GABRA4: variants seen among roughly 807,000 people sequenced by gnomAD.
GABRA4 encodes gamma-aminobutyric acid type A receptor subunit alpha4.
In GABRA4, 12 loss-of-function variants were observed where a neutral mutation model predicts 49.7. The observed-to-expected ratio is 0.24, with a 90% confidence interval of 0.15 to 0.39. GABRA4 has a LOEUF of 0.39. Ranked by LOEUF, GABRA4 falls within the 10% of genes least tolerant of loss-of-function variation. GABRA4 has a pLI of 1.00. For missense variants in GABRA4, 506 were observed against 686.0 expected, an observed-to-expected ratio of 0.74 and a Z score of 2.93; for synonymous variants, 288 against 240.2, an observed-to-expected ratio of 1.20 and a Z score of -1.84.
intron 2 of GABRA4, chr4:46,992,570 TC>T (rs1723795026): frequency 2.1e-6 from 1 of 482,938 alleles, no homozygotes; most frequent in East Asian, 3.3e-5. Context: ...CTCTCCAACC[TC>T]CCCCACCCAG....
rs115768721 is a variant in GABRA4, at chr4:46,959,577, C to A, written c.1134+5393G>T. ...TAGCCAATGGAATGAGCTCAACCAA[C>A]CATTTACTGTAATGGCAATTGCTGT... On this transcript the variant is annotated intron_variant, in intron 8 of 8. Coordinates refer to ENST00000264318, the MANE Select transcript of GABRA4 (RefSeq NM_000809.4). 3.2e-3 allele frequency among the ~76,000 whole-genome samples: 483 copies of A among 151,736 alleles called. 2 individuals carry two copies. Among genetic ancestry groups the A allele is most frequent in the African/African-American group, 0.011 (460 of 41,444 alleles).
chr4:46,929,983 A>G (rs1721374420), intron 8 of GABRA4, among the ~76,000 whole-genome samples: 1 of 152,084 alleles, frequency 6.6e-6, no homozygotes, highest in African/African-American at 2.4e-5. Flanking sequence ...CACTTTAGAC[A>G]TAAAGGTTTA....
intron 6 of GABRA4, among the ~76,000 whole-genome samples, chr4:46,972,525 A>T (rs1391731819): frequency 2.0e-5 from 3 of 151,498 alleles, no homozygotes; most frequent in Non-Finnish European, 4.4e-5. Flanking sequence ...TACACTCATT[A>T]ATCTATCACC....
At chr4:46,992,428 G>A (rs891459298) in intron 2 of GABRA4, among the ~76,000 whole-genome samples, 3 of 152,218 alleles carry the variant, frequency 2.0e-5, no homozygotes, top group African/African-American at 7.2e-5. Flanking sequence ...TGGACACGTG[G>A]GAGGATGAGG....
intron 8 of GABRA4, among the ~76,000 whole-genome samples, chr4:46,956,663 A>G (rs1211803888): frequency 3.3e-5 from 5 of 152,034 alleles, no homozygotes; most frequent in African/African-American, 1.2e-4. Flanking sequence ...GCTGTCCTAA[A>G]TGGTCACAGA....
intron 8 of GABRA4, among the ~76,000 whole-genome samples, chr4:46,957,320 T>TA (rs1295362865): frequency 1.3e-5 from 2 of 151,944 alleles, no homozygotes; most frequent in African/African-American, 4.8e-5. Context: ...TTATTATTTA[T>TA]ACATTCTTTT....
In GABRA4 at chr4:46,920,775, A is replaced by G. The variant is rs1486547879; in HGVS notation, c.*7450T>C. ...GTAAAAGTAATGAAAAGTTTGTTTTACTGAAAACTAGATGAAATGTATACA... is the reference window on the plus strand; with the variant it reads ...GTAAAAGTAATGAAAAGTTTGTTTTGCTGAAAACTAGATGAAATGTATACA... On this transcript the variant is annotated 3_prime_UTR_variant, in exon 9 of 9. Coordinates refer to ENST00000264318, the MANE Select transcript of GABRA4 (RefSeq NM_000809.4). 1 of 151,808 alleles carries G rather than the reference A, an allele frequency of 6.6e-6. No individual in the cohort carries two copies. The highest frequency in any genetic ancestry group is 1.5e-5 in the Non-Finnish European group (1 of 67,754). 9.4% of individuals were successfully genotyped at this position (151,808 alleles called of 1,614,324 possible). A position where few individuals can be genotyped will look rare whatever the true frequency, so the allele number is the denominator to read the frequency against.
intron 8 of GABRA4, among the ~76,000 whole-genome samples, chr4:46,947,838 C>A (rs1475022885): frequency 6.6e-6 from 1 of 151,972 alleles, no homozygotes. Context: ...CAACAGCAAT[C>A]ATTTTAATTT....
intron 8 of GABRA4, among the ~76,000 whole-genome samples, chr4:46,961,052 G>A (rs935311684): frequency 6.6e-6 from 1 of 151,788 alleles, no homozygotes; most frequent in African/African-American, 2.4e-5. Context: ...AAATAAAACT[G>A]CATACTCAAT....
chr4:46,991,405 C>A (rs1220650715), intron 2 of GABRA4, among the ~76,000 whole-genome samples: 1 of 152,154 alleles, frequency 6.6e-6, no homozygotes, highest in African/African-American at 2.4e-5. Flanking sequence ...ACACCCAACT[C>A]TACTTTATCT....
intron 5 of GABRA4, 89 bp downstream of exon 5, chr4:46,976,972 T>C: frequency 1.4e-6 from 1 of 732,264 alleles, no homozygotes. Flanking sequence ...ATGACTTAAA[T>C]GTTGGATTAT....
At chr4:46,985,991 T>A (rs1723521498) in intron 2 of GABRA4, among the ~76,000 whole-genome samples, 1 of 151,854 alleles carries the variant, frequency 6.6e-6, no homozygotes, top group South Asian at 2.1e-4. Flanking sequence ...AAAGGCAAAC[T>A]TTTCTCTTTC....
rs1333949076 is a variant in GABRA4, at chr4:46,990,375, T to C, written c.205+2453A>G. Among the ~76,000 whole-genome samples the C allele has an allele frequency of 2.6e-5, 4 of 152,316 alleles. No individual in the cohort carries two copies. In the East Asian group the frequency reaches 7.7e-4, roughly 29 times the overall value. On this transcript the variant is annotated intron_variant, in intron 2 of 8. Coordinates refer to ENST00000264318, the MANE Select transcript of GABRA4 (RefSeq NM_000809.4). ...TATATTGTTTTCACTTATGTTATTG[T>C]CAATATTATGCAATGGGAGAGAGTA...
intron 8 of GABRA4, among the ~76,000 whole-genome samples, chr4:46,945,462 G>T (rs537016943): frequency 6.6e-6 from 1 of 152,236 alleles, no homozygotes; most frequent in Non-Finnish European, 1.5e-5. Context: ...GTAGCCTGTA[G>T]CTGTGATAGC....
chr4:46,956,341 T>G (rs1722359843), intron 8 of GABRA4, among the ~76,000 whole-genome samples: 1 of 151,978 alleles, frequency 6.6e-6, no homozygotes, highest in South Asian at 2.1e-4. Flanking sequence ...TAAGGACAAA[T>G]GAATAAAATA....
At chr4:46,938,244 A>T (rs1241053784) in intron 8 of GABRA4, among the ~76,000 whole-genome samples, 1 of 152,124 alleles carries the variant, frequency 6.6e-6, no homozygotes, top group Non-Finnish European at 1.5e-5. Context: ...ATTACATTCA[A>T]ACTCAGACAA....
rs1720887216 is a variant in GABRA4 at position 46,919,252 on chromosome 4, A to ATTTTACTATTTT, written c.*8972_*8973insAAAATAGTAAAA. On this transcript the variant is annotated 3_prime_UTR_variant, in exon 9 of 9. Coordinates refer to ENST00000264318, the MANE Select transcript of GABRA4 (RefSeq NM_000809.4). ...AAATCATTTCCTGATGAATTACTTT[A>ATTTTACTATTTT]AAATAGTAAACCAATATTTGATAAT... is the stretch of plus-strand genomic sequence containing the variant. The ATTTTACTATTTT allele has an allele frequency of 6.6e-6, 1 of 151,622 alleles. No individual in the cohort carries two copies. Among genetic ancestry groups the ATTTTACTATTTT allele is most frequent in the African/African-American group, 2.4e-5 (1 of 41,430 alleles). The allele number at this position is 151,622 out of a possible 1,614,324, so 9.4% of individuals were successfully genotyped here.
intron 8 of GABRA4, among the ~76,000 whole-genome samples, chr4:46,930,618 A>C (rs1001075432): frequency 1.3e-4 from 19 of 150,156 alleles, no homozygotes; most frequent in Admixed American, 9.4e-4. Context: ...TAAATTGGAC[A>C]AACAGGAAAG....
chr4:46,936,749 C>A (rs1364372544), intron 8 of GABRA4, among the ~76,000 whole-genome samples: 1 of 152,178 alleles, frequency 6.6e-6, no homozygotes, highest in African/African-American at 2.4e-5. Context: ...GGGCCTCTTT[C>A]TAAATATATT....
Sources: gnomAD v4.1 joint callset for allele counts (sites outside exome capture counted in the v4.1 genomes callset) on GRCh38, gnomAD v4.1.1 for gene constraint, MANE v1.5 for transcripts, NCBI Gene and HGNC (gene_info 2026-07-23, HGNC 2026-07-21) for gene names.